The following ADAR variants were observed in gnomAD, a reference collection of about 807,000 sequenced individuals.
The protein encoded by ADAR is adenosine deaminase RNA specific, also known as double-stranded RNA-specific adenosine deaminase.
ADAR carries 41 observed loss-of-function variants against 113.2 expected under a neutral mutation model. The ratio of observed to expected loss-of-function variants is 0.36; its 90% confidence interval spans 0.28 to 0.47. ADAR has a LOEUF of 0.47. ADAR is among the 20% of genes least tolerant of loss of function. The probability of loss-of-function intolerance (pLI) is 1.00; values close to 1 mark genes in which losing one functional copy is unlikely to be tolerated. For missense variants in ADAR, 1,242 were observed against 1,540.9 expected, an observed-to-expected ratio of 0.81 and a Z score of 3.25; for synonymous variants, 605 against 572.6, an observed-to-expected ratio of 1.06 and a Z score of -0.81.
chr1:154,587,681 CAG>C (rs1375954745), intron 11 of ADAR, among the ~76,000 whole-genome samples: 1 of 152,190 alleles, frequency 6.6e-6, no homozygotes, highest in Non-Finnish European at 1.5e-5. Flanking sequence ...GTGGACAAGG[CAG>C]AGTCAACTGC....
rs551880161 is a variant in ADAR at position 154,607,733 on chromosome 1, G to GCA, written c.15+257_15+258dup. Among the ~76,000 whole-genome samples the GCA allele has an allele frequency of 0.13, 10,087 of 74,838 alleles. 865 individuals are homozygous for GCA. The highest frequency in any genetic ancestry group is 0.31 in the African/African-American group (7,792 of 24,902). The allele number at this position is 74,838 out of a possible 152,430, so 49.1% of individuals were successfully genotyped here. On this transcript the variant is annotated intron_variant, in intron 1 of 14. Transcript: ENST00000368474. ...CTGCTTGGCAAGACTACACACACAC[G>GCA]CACACACACACACACACACTCTCAC...
upstream of ADAR, among the ~76,000 whole-genome samples, chr1:154,612,875 G>C (rs1195937647): frequency 6.6e-6 from 1 of 151,646 alleles, no homozygotes; most frequent in African/African-American, 2.4e-5. Flanking sequence ...GCAGTGGTGC[G>C]ATCTCAGCTC....
chr1:154,601,598 T>C lies in ADAR; in HGVS notation c.1044A>G (p.Thr348=). 2 of 1,612,708 alleles carry C rather than the reference T, an allele frequency of 1.2e-6. No individual in the cohort carries two copies. The highest frequency in any genetic ancestry group is 1.7e-6 in the Non-Finnish European group (2 of 1,179,984). Residue 348 remains threonine, a synonymous_variant, in exon 2 of 15, where the codon ACA becomes ACG. Transcript: ENST00000368474. This position sits in a 1 kb window ranked among gnomAD's most constrained non-coding sequence, Gnocchi z 4.7. ...ERQGDVYRQG[T]TPPIWHLTDK... is the part of the protein sequence containing the mutation. ...CTGTCAAATGCCATATGGGAGGGGT[T>C]GTCCCTTGTCTATAGACATCCCCCT...
At chr1:154,610,808 C>CAAAAAAAAAAA (rs1369386387), upstream of ADAR, among the ~76,000 whole-genome samples, 96 of 40,528 alleles carry the variant, frequency 2.4e-3, 9 homozygotes, top group Non-Finnish European at 3.5e-3. Flanking sequence ...GACACCGTCT[C>CAAAAAAAAAAA]AAAAAAAAAA....
exon 1 of ADAR, chr1:154,627,913 G>GGCCCCCCCCCCCCCCCCCCCCCCCCC: frequency 1.9e-6 from 1 of 517,168 alleles, no homozygotes; most frequent in South Asian, 1.4e-5. Context: ...GTGCGGCCGC[G>GGCCCCCCCCCCCCCCCCCCCCCCCCC]ACCCTCCCCC....
intron 4 of ADAR, 39 bp from the exon 5 acceptor site, chr1:154,597,306 T>C: frequency 6.2e-7 from 1 of 1,613,156 alleles, no homozygotes; most frequent in South Asian, 1.1e-5. Context: ...TTAAAATGGT[T>C]TTGACTGAGG....
At chr1:154,609,644 T>C (rs1243424883), upstream of ADAR, among the ~76,000 whole-genome samples, 3 of 152,144 alleles carry the variant, frequency 2.0e-5, no homozygotes, top group African/African-American at 7.2e-5. Flanking sequence ...AGGTGCTGTT[T>C]GTGGTTTCCT....
intron 1 of ADAR, among the ~76,000 whole-genome samples, chr1:154,625,257 C>T (rs1452105153): frequency 6.6e-6 from 1 of 152,202 alleles, no homozygotes; most frequent in Non-Finnish European, 1.5e-5. Context: ...GGCCTCCTTT[C>T]CCCCACTGCA....
chr1:154,598,765 TAAACA>T (rs1180062239), intron 2 of ADAR, among the ~76,000 whole-genome samples, 180 bp from the exon 3 acceptor site: 1 of 152,156 alleles, frequency 6.6e-6, no homozygotes, highest in Non-Finnish European at 1.5e-5. Flanking sequence ...TTTCTTTTTG[TAAACA>T]AAGCAGCCAG....
intron 11 of ADAR, 121 bp downstream of exon 11, chr1:154,588,004 G>A: frequency 1.3e-6 from 2 of 1,486,384 alleles, no homozygotes; most frequent in Non-Finnish European, 1.9e-6. Context: ...TCCCTTTCCT[G>A]TAAACAGCAC....
chr1:154,598,437 AT>A lies in ADAR; in HGVS notation c.1749del (p.Glu583AspfsTer78). Reference protein sequence around the residue: ...AKAKDSGKSEESSHYSTEKES... With the variant: ...AKAKDSGKSEXSSHYSTEKES... ...TCTTTCTCTGTGGAATAGTGGGATG[AT>A]TCTTCTGATTTTCCACTGTCCTTGG... On this transcript the variant is annotated frameshift_variant, in exon 3 of 15. Coordinates refer to ENST00000368474, the MANE Select transcript of ADAR (RefSeq NM_001111.5). LOFTEE classifies it high-confidence loss of function. 6.2e-7 allele frequency: 1 copy of A among 1,614,136 alleles called. No homozygotes were observed.
In ADAR at chr1:154,607,995, C is replaced by T; in HGVS notation, c.12G>A (p.Arg4=). The T allele has an allele frequency of 6.2e-7, 1 of 1,608,018 alleles. No homozygotes were observed. Among genetic ancestry groups the T allele is most frequent in the Non-Finnish European group, 8.5e-7 (1 of 1,177,666 alleles). MNP[R]QGYSLSGYYT... ...GTCCAAGGCCGGCCCGGCTTACCTG[C>T]CGCGGATTCATTGCGCCCGCGAGGC... is the stretch of plus-strand genomic sequence containing the variant. The change falls in exon 1 of 15, where the codon CGG becomes CGA. Residue 4 remains arginine, a synonymous_variant. Transcript: ENST00000368474.
intron 9 of ADAR, among the ~76,000 whole-genome samples, chr1:154,588,911 G>C (rs1696942514): frequency 6.6e-6 from 1 of 152,290 alleles, no homozygotes; most frequent in South Asian, 2.1e-4. Context: ...AGGGATTCTA[G>C]AGCAGAGCAA....
chr1:154,615,009 C>G (rs1020477791), intron 1 of ADAR, among the ~76,000 whole-genome samples: 7 of 152,234 alleles, frequency 4.6e-5, no homozygotes, highest in Non-Finnish European at 7.3e-5. Context: ...TTCGAAGATG[C>G]TAGCCTTGAA....
At chr1:154,589,952 A>C in intron 7 of ADAR, 24 bp from the exon 8 acceptor site, 1 of 1,613,396 alleles carries the variant, frequency 6.2e-7, no homozygotes, top group Non-Finnish European at 8.5e-7. Flanking sequence ...AGGCTGTGTC[A>C]GCACCACAAA....
At chr1:154,624,816 G>T (rs1403165834) in intron 1 of ADAR, among the ~76,000 whole-genome samples, 1 of 152,192 alleles carries the variant, frequency 6.6e-6, no homozygotes, top group Non-Finnish European at 1.5e-5. Flanking sequence ...CAAAAGCTCA[G>T]ATTCTGTTGT....
At position 154,593,135 on chromosome 1, in the gene ADAR, C is replaced by CA. The variant is rs66567439; in HGVS notation, c.2271-2727dup. ...GGGTGACAGAGTGAGACTCCATCTCCAAAAAAAAAAAAAAAAAAAAACAGA... is the reference window on the plus strand; with the variant it reads ...GGGTGACAGAGTGAGACTCCATCTCCAAAAAAAAAAAAAAAAAAAAAACAGA... On this transcript the variant is annotated intron_variant, in intron 6 of 14. Transcript: ENST00000368474. 7.5e-4 allele frequency among the ~76,000 whole-genome samples: 56 copies of CA among 74,652 alleles called. 1 individual carries two copies. The highest frequency in any genetic ancestry group is 2.6e-3 in the African/African-American group (48 of 18,706). The allele number at this position is 74,652 out of a possible 152,430, so 49.0% of individuals were successfully genotyped here.
In ADAR at chr1:154,602,200, C is replaced by G; in HGVS notation, c.442G>C (p.Glu148Gln). The G allele has an allele frequency of 5.0e-6, 8 of 1,614,216 alleles. No homozygotes were observed. Among genetic ancestry groups the G allele is most frequent in the Non-Finnish European group, 6.8e-6 (8 of 1,180,030 alleles). The change falls in exon 2 of 15, where the codon GAA (glutamate) becomes CAA (glutamine). Residue 148 changes from glutamate to glutamine, a missense_variant. Physicochemically the swap from Glu to Gln is conservative, Grantham distance 29. Coordinates refer to ENST00000368474, the MANE Select transcript of ADAR (RefSeq NM_001111.5). ...DQEQRILKFLEELGEGKATTA... is the reference protein window; with the variant it reads ...DQEQRILKFLQELGEGKATTA... Reference sequence around the variant, plus strand: ...GTGGCCTTCCCTTCCCCAAGCTCTTCCAGGAACTTTAAGATCCTTTGTTCC... The same window carrying G: ...GTGGCCTTCCCTTCCCCAAGCTCTTGCAGGAACTTTAAGATCCTTTGTTCC...
intron 1 of ADAR, among the ~76,000 whole-genome samples, chr1:154,627,274 C>G (rs757147776): frequency 6.6e-6 from 1 of 152,230 alleles, no homozygotes; most frequent in Non-Finnish European, 1.5e-5. Flanking sequence ...CTGCACCAGG[C>G]CAGACAGGCT....
Sources: gnomAD v4.1 joint callset for allele counts (sites outside exome capture counted in the v4.1 genomes callset) on GRCh38, gnomAD v4.1.1 for gene constraint, Gnocchi (gnomAD v3.1) non-coding constraint, MANE v1.5 for transcripts, NCBI Gene and HGNC (gene_info 2026-07-23, HGNC 2026-07-21) for gene names.